The following ANKRD31 variants were observed in gnomAD, a reference collection of about 807,000 sequenced individuals.
ANKRD31 encodes ankyrin repeat domain 31.
ANKRD31 carries 147 observed loss-of-function variants against 186.0 expected under a neutral mutation model. The ratio of observed to expected loss-of-function variants is 0.79; its 90% CI spans 0.69 to 0.91. The LOEUF is 0.91. Ranked by LOEUF, ANKRD31 falls within the 40% of genes least tolerant of loss-of-function variation. The probability of loss-of-function intolerance (pLI) is 0.00; values close to 1 mark genes in which losing one functional copy is unlikely to be tolerated. For synonymous variants in ANKRD31, 673 were observed against 736.4 expected, an observed-to-expected ratio of 0.91 and a Z score of 1.39; for missense variants, 1,986 against 2,148.8, an observed-to-expected ratio of 0.92 and a Z score of 1.50.
rs371074921 is a variant in ANKRD31 at position 75,131,876 on chromosome 5, G to A, written c.3876+5980C>T. ...CAATATTGGCTGTTCTGCAGCCTCCGCTGGTGATACCCAGGCAAACAGGGT... is the reference window on the plus strand; with the variant it reads ...CAATATTGGCTGTTCTGCAGCCTCCACTGGTGATACCCAGGCAAACAGGGT... On this transcript the variant is annotated intron_variant, in intron 17 of 25. Coordinates refer to ENST00000506364, the MANE Select transcript of ANKRD31 (RefSeq NM_001372053.1). 1.0e-3 allele frequency among the ~76,000 whole-genome samples: 153 copies of A among 152,262 alleles called. 1 individual carries two copies. The highest frequency in any genetic ancestry group is 3.5e-3 in the African/African-American group (145 of 41,548).
intron 10 of ANKRD31, among the ~76,000 whole-genome samples, chr5:75,182,719 T>TAA (rs74813977): frequency 1.6e-5 from 2 of 124,838 alleles, no homozygotes; most frequent in Non-Finnish European, 1.7e-5. Context: ...GAGTCCAACT[T>TAA]AAAAAAAAAA....
chr5:75,163,170 A>G (rs1561491927), intron 11 of ANKRD31, among the ~76,000 whole-genome samples: 1 of 152,258 alleles, frequency 6.6e-6, no homozygotes, highest in East Asian at 1.9e-4. Context: ...TTTGAAGTAC[A>G]AGTTTAATAT....
chr5:75,229,242 T>C (rs933077434), intron 2 of ANKRD31, among the ~76,000 whole-genome samples: 1 of 152,164 alleles, frequency 6.6e-6, no homozygotes, highest in Non-Finnish European at 1.5e-5. Context: ...GAAAGGCACG[T>C]TTACAATGCA....
intron 23 of ANKRD31, among the ~76,000 whole-genome samples, chr5:75,089,550 A>T (rs1319586260): frequency 1.3e-5 from 2 of 152,240 alleles, no homozygotes; most frequent in Non-Finnish European, 2.9e-5. Flanking sequence ...GAAGAGGCAG[A>T]GGTTTCTGTG....
intron 7 of ANKRD31, among the ~76,000 whole-genome samples, 178 bp from the exon 8 acceptor site, chr5:75,193,769 T>C (rs1220798232): frequency 6.6e-6 from 1 of 152,150 alleles, no homozygotes; most frequent in Non-Finnish European, 1.5e-5. Flanking sequence ...ATTAATGTAA[T>C]AAAGGACAAT....
Position 75,230,639 on chromosome 5 carries a change from T to G in ANKRD31, c.105-4A>C, listed in dbSNP as rs1757890641. ...TGCGTCTTGATCAAACAGCAACCTT[T>G]CAAATACCAAAAGGGAAGGCACAAG... is the stretch of plus-strand genomic sequence containing the variant. On this transcript the variant is annotated splice_region_variant and splice_polypyrimidine_tract_variant and intron_variant, in intron 1 of 25. Coordinates refer to ENST00000506364, the MANE Select transcript of ANKRD31 (RefSeq NM_001372053.1). 6.6e-7 allele frequency: 1 copy of G among 1,522,044 alleles called. No individual in the cohort carries two copies. The highest frequency in any genetic ancestry group is 8.7e-7 in the Non-Finnish European group (1 of 1,144,272). 94.3% of individuals were successfully genotyped at this position (1,522,044 alleles called of 1,614,324 possible).
chr5:75,079,065 A>C (rs1744880759), intron 25 of ANKRD31, among the ~76,000 whole-genome samples: 2 of 152,240 alleles, frequency 1.3e-5, no homozygotes, highest in South Asian at 4.1e-4. Flanking sequence ...ATACCTTCAA[A>C]TGTGTTAATA....
chr5:75,227,135 T>C (rs551090345), intron 2 of ANKRD31, among the ~76,000 whole-genome samples: 2 of 152,274 alleles, frequency 1.3e-5, no homozygotes, highest in East Asian at 3.9e-4. Context: ...ATTTGCAACA[T>C]GGATGGAACT....
At chr5:75,097,654 T>C (rs1047540924) in intron 22 of ANKRD31, among the ~76,000 whole-genome samples, 1 of 152,174 alleles carries the variant, frequency 6.6e-6, no homozygotes, top group African/African-American at 2.4e-5. Context: ...AGAAGCTCAT[T>C]AGTTTAATTA....
intron 10 of ANKRD31, among the ~76,000 whole-genome samples, chr5:75,182,400 T>C (rs1431257990): frequency 6.6e-6 from 1 of 152,150 alleles, no homozygotes; most frequent in Non-Finnish European, 1.5e-5. Flanking sequence ...TTGCTCAAAC[T>C]ACAATAAAAA....
At chr5:75,115,427 G>A (rs2150077075) in intron 19 of ANKRD31, among the ~76,000 whole-genome samples, 1 of 152,058 alleles carries the variant, frequency 6.6e-6, no homozygotes. Context: ...TTAAACTAAA[G>A]AGCTTCTGCA....
At chr5:75,222,687 T>G (rs1326511105) in intron 2 of ANKRD31, among the ~76,000 whole-genome samples, 1 of 152,148 alleles carries the variant, frequency 6.6e-6, no homozygotes, top group East Asian at 1.9e-4. Flanking sequence ...TGTTTATGAG[T>G]GAGAACATGC....
At chr5:75,166,556 T>A (rs1487172098) in intron 11 of ANKRD31, among the ~76,000 whole-genome samples, 1 of 152,150 alleles carries the variant, frequency 6.6e-6, no homozygotes, top group South Asian at 2.1e-4. Context: ...GCCTATTCTT[T>A]CAATATATGT....
chr5:75,143,558 T>TCTCCAAGAA (rs1448357314), intron 15 of ANKRD31, among the ~76,000 whole-genome samples: 7 of 152,080 alleles, frequency 4.6e-5, no homozygotes, highest in Admixed American at 4.6e-4. Flanking sequence ...GACAGAACTA[T>TCTCCAAGAA]CTCCAAGAAC....
intron 4 of ANKRD31, among the ~76,000 whole-genome samples, chr5:75,210,259 C>T (rs956156310): frequency 3.3e-5 from 5 of 152,262 alleles, no homozygotes; most frequent in East Asian, 1.9e-4. Flanking sequence ...TTGCAACCTC[C>T]GCTTCCCAGG....
At position 75,222,343 on chromosome 5, in the gene ANKRD31, T is replaced by C; in HGVS notation, c.194A>G (p.Glu65Gly). ...TCTGAGCTTAAATCCAAGTTGAATC[T>C]CAGGAGAAGGCATGCCTAGAGTGAA... is the stretch of plus-strand genomic sequence containing the variant. ...RGMCKGMPSP[E>G]IQLGFKLRED... The change falls in exon 3 of 26, where the codon GAG becomes GGG. Residue 65 changes from glutamate to glycine, a missense_variant. By Grantham distance (98) the Glu-to-Gly change is moderately conservative. Coordinates refer to ENST00000506364, the MANE Select transcript of ANKRD31 (RefSeq NM_001372053.1). 6.5e-7 allele frequency: 1 copy of C among 1,536,112 alleles called. No individual in the cohort carries two copies. The highest frequency in any genetic ancestry group is 8.7e-7 in the Non-Finnish European group (1 of 1,146,258).
At chr5:75,190,868 A>G (rs1755063800) in intron 9 of ANKRD31, among the ~76,000 whole-genome samples, 1 of 152,098 alleles carries the variant, frequency 6.6e-6, no homozygotes, top group African/African-American at 2.4e-5. Context: ...CTGTTTCATT[A>G]GAGTTTTTTG....
intron 11 of ANKRD31, among the ~76,000 whole-genome samples, chr5:75,165,333 A>T (rs1220168007): frequency 6.6e-6 from 1 of 152,224 alleles, no homozygotes; most frequent in East Asian, 1.9e-4. Context: ...CAAAATAAAC[A>T]TCATTAGTAG....
chr5:75,138,542 T>C (rs1031452136), intron 16 of ANKRD31, among the ~76,000 whole-genome samples: 2 of 152,108 alleles, frequency 1.3e-5, no homozygotes, highest in Non-Finnish European at 2.9e-5. Context: ...AATTCTGCAT[T>C]CTCATCAAAG....
Sources: gnomAD v4.1 joint callset for allele counts (sites outside exome capture counted in the v4.1 genomes callset) on GRCh38, gnomAD v4.1.1 for gene constraint, MANE v1.5 for transcripts, NCBI Gene and HGNC (gene_info 2026-07-23, HGNC 2026-07-21) for gene names.